The following KLRK1 variants were observed in gnomAD, a reference collection of about 807,000 sequenced individuals.
KLRK1 encodes the protein NKG2-D type II integral membrane protein.
Under a neutral mutation model 31.3 loss-of-function variants are expected in KLRK1, and 40 were observed. That is an observed-to-expected ratio of 1.28 (90% CI 0.99 to 1.67). KLRK1 has a LOEUF of 1.67. Among genes scored for constraint, KLRK1 ranks in the 40% most tolerant of loss-of-function variants. The pLI, the probability that KLRK1 is intolerant of heterozygous loss-of-function variation, is 0.00. For missense variants in KLRK1, 251 were observed against 260.0 expected, an observed-to-expected ratio of 0.97 and a Z score of 0.24; for synonymous variants, 77 against 77.3, an observed-to-expected ratio of 1.00 and a Z score of 0.02.
intron 3 of KLRK1, among the ~76,000 whole-genome samples, chr12:10,382,798 A>G (rs1307706708): frequency 6.6e-6 from 1 of 152,236 alleles, no homozygotes; most frequent in Admixed American, 6.5e-5. Flanking sequence ...AGAGATAGTC[A>G]ATATAAAATG....
intron 5 of KLRK1, chr12:10,379,150 G>A (rs1423742139): frequency 5.9e-6 from 1 of 168,562 alleles, no homozygotes; most frequent in Non-Finnish European, 1.2e-5. Flanking sequence ...GGGAGGCGAA[G>A]GTTGCATTGT....
chr12:10,378,922 G>A lies in KLRK1; in HGVS notation c.278-217C>T, dbSNP rs192038985. On this transcript the variant is annotated intron_variant, in intron 5 of 7. Coordinates refer to ENST00000240618, the MANE Select transcript of KLRK1 (RefSeq NM_007360.4). ...TAATCCTAGCACTTTGGGAGGCCAA[G>A]GCAGGTGACTCACTTGAGGTTAGAA... is the stretch of plus-strand genomic sequence containing the variant. The A allele has an allele frequency of 9.4e-3, 3,945 of 419,646 alleles. 28 individuals are homozygous for A. The highest frequency in any genetic ancestry group is 0.013 in the Non-Finnish European group (3,144 of 250,062). 26.0% of individuals were successfully genotyped at this position (419,646 alleles called of 1,614,324 possible).
chr12:10,373,606 C>G (rs899060942), intron 7 of KLRK1, among the ~76,000 whole-genome samples: 3 of 152,112 alleles, frequency 2.0e-5, no homozygotes, highest in Non-Finnish European at 4.4e-5. Flanking sequence ...AAAACATTTT[C>G]TTCAGATATA....
intron 3 of KLRK1, among the ~76,000 whole-genome samples, chr12:10,382,875 GT>G (rs1235651276): frequency 6.6e-6 from 1 of 151,860 alleles, no homozygotes; most frequent in Non-Finnish European, 1.5e-5. Flanking sequence ...GAGTTGTTTA[GT>G]TTTTTCTTTT....
At chr12:10,374,388 CCTCT>C (rs1296960737) in intron 7 of KLRK1, among the ~76,000 whole-genome samples, 2 of 124,958 alleles carry the variant, frequency 1.6e-5, no homozygotes, top group Non-Finnish European at 1.6e-5. Context: ...TTCTTTCTTT[CCTCT>C]CTCTCTTTTT....
rs369496485 is a variant in KLRK1 at position 10,378,220 on chromosome 12, C to T, written c.445G>A (p.Val149Met). 5.0e-6 allele frequency: 8 copies of T among 1,612,656 alleles called. No homozygotes were observed. Among genetic ancestry groups the T allele is most frequent in the Non-Finnish European group, 6.8e-6 (8 of 1,179,692 alleles). The change falls in exon 7 of 8, where the codon GTG (valine) becomes ATG (methionine). Residue 149 changes from valine (V) to methionine (M), a missense_variant. Val to Met is a conservative substitution (Grantham distance 21). Transcript: ENST00000240618. Reference sequence around the variant, plus strand: ...AGTCCCATCCAATGATATGACTTCACCAGTTTAAGTAAATCCTGTTTGAAA... The same window carrying T: ...AGTCCCATCCAATGATATGACTTCATCAGTTTAAGTAAATCCTGTTTGAAA... The part of the protein sequence containing the change: ...SKEDQDLLKL[V>M]KSYHWMGLVH...
Position 10,377,659 on chromosome 12 carries a change from G to T in KLRK1, c.533+473C>A, listed in dbSNP as rs149464633. The stretch of plus-strand genomic sequence containing the variant: ...GGGACACAGAGGAGAAATCACAAAG[G>T]TGCATGCTTAGAGAATGTTTTCCAG... On this transcript the variant is annotated intron_variant, in intron 7 of 7. Transcript: ENST00000240618. Among the ~76,000 whole-genome samples the T allele has an allele frequency of 2.7e-3, 409 of 152,178 alleles. 1 individual carries two copies. The highest frequency in any genetic ancestry group is 9.4e-3 in the African/African-American group (389 of 41,482).
chr12:10,386,552 C>T (rs1591586217), intron 3 of KLRK1, among the ~76,000 whole-genome samples: 1 of 151,858 alleles, frequency 6.6e-6, no homozygotes, highest in African/African-American at 2.4e-5. Context: ...ATCAAGCTAC[C>T]ACTTCTATAA....
At chr12:10,381,659 A>T (rs925528226) in intron 3 of KLRK1, among the ~76,000 whole-genome samples, 3 of 152,220 alleles carry the variant, frequency 2.0e-5, no homozygotes, top group Non-Finnish European at 2.9e-5. Flanking sequence ...CCCTTTAGTG[A>T]TTATCTTCTC....
intron 7 of KLRK1, among the ~76,000 whole-genome samples, chr12:10,373,482 A>C (rs1862900649): frequency 6.6e-6 from 1 of 152,206 alleles, no homozygotes; most frequent in African/African-American, 2.4e-5. Context: ...ATCTCTTCAT[A>C]TGTATACCCA....
rs766907309 is a variant in KLRK1, at chr12:10,373,246, A to G, written c.534-15T>C. On this transcript the variant is annotated splice_polypyrimidine_tract_variant and intron_variant, in intron 7 of 7. Coordinates refer to ENST00000240618, the MANE Select transcript of KLRK1 (RefSeq NM_007360.4). Reference sequence around the variant, plus strand: ...TTATTGTTAGTCTAGAGGAGAGACAATTACAAATTACATACATGATTTTAT... The same window carrying G: ...TTATTGTTAGTCTAGAGGAGAGACAGTTACAAATTACATACATGATTTTAT... The G allele has an allele frequency of 6.4e-7, 1 of 1,552,276 alleles. No individual in the cohort carries two copies. The highest frequency in any genetic ancestry group is 8.7e-7 in the Non-Finnish European group (1 of 1,153,156).
At chr12:10,373,749 ATATC>A (rs10537865) in intron 7 of KLRK1, among the ~76,000 whole-genome samples, 87,165 of 151,828 alleles carry the variant, frequency 0.57, 27,328 homozygotes, top group Non-Finnish European at 0.71. Flanking sequence ...GGAGATTTCT[ATATC>A]TATATATGTG....
At chr12:10,377,505 T>A (rs892190925) in intron 7 of KLRK1, among the ~76,000 whole-genome samples, 3 of 152,220 alleles carry the variant, frequency 2.0e-5, no homozygotes, top group African/African-American at 7.2e-5. Context: ...ATAACTTTTC[T>A]AAGTGAAAAT....
intron 3 of KLRK1, among the ~76,000 whole-genome samples, chr12:10,382,724 C>T (rs972949859): frequency 1.3e-5 from 2 of 152,112 alleles, no homozygotes; most frequent in African/African-American, 4.8e-5. Flanking sequence ...GGTGCCTCAA[C>T]CACTCAGATC....
intron 7 of KLRK1, among the ~76,000 whole-genome samples, chr12:10,376,414 C>T (rs1183301260): frequency 6.6e-6 from 1 of 151,910 alleles, no homozygotes; most frequent in African/African-American, 2.4e-5. Context: ...ATGTTGAAAA[C>T]TAAATGACAC....
At chr12:10,376,978 AG>A (rs1437919798) in intron 7 of KLRK1, among the ~76,000 whole-genome samples, 1 of 152,032 alleles carries the variant, frequency 6.6e-6, no homozygotes, top group African/African-American at 2.4e-5. Flanking sequence ...CACCCCGTCC[AG>A]CTAATTTTTG....
intron 7 of KLRK1, among the ~76,000 whole-genome samples, chr12:10,376,074 TA>T (rs1862959437): frequency 2.6e-5 from 4 of 152,186 alleles, no homozygotes. Context: ...TGCATGTATG[TA>T]AAAAACTACT....
At chr12:10,389,812 G>T (rs891450890) in intron 1 of KLRK1, 131 bp downstream of exon 1, 1 of 151,988 alleles carries the variant, frequency 6.6e-6, no homozygotes, top group Non-Finnish European at 1.5e-5. Flanking sequence ...GTATCCTCAG[G>T]AGTTCTATTC....
intron 3 of KLRK1, among the ~76,000 whole-genome samples, chr12:10,385,584 T>C (rs1252941954): frequency 6.6e-6 from 1 of 151,992 alleles, no homozygotes; most frequent in East Asian, 1.9e-4. Context: ...GAGAGTAGAA[T>C]TGTGGTTATT....
Sources: gnomAD v4.1 joint callset for allele counts (sites outside exome capture counted in the v4.1 genomes callset) on GRCh38, gnomAD v4.1.1 for gene constraint, MANE v1.5 for transcripts, NCBI Gene and HGNC (gene_info 2026-07-23, HGNC 2026-07-21) for gene names.